Variants in SEPHS1 observed in about 807,000 individuals in gnomAD.
SEPHS1 encodes the protein selenophosphate synthetase 1, also known as zincore component SEPHS1.
In SEPHS1, 7 loss-of-function variants were observed where a neutral mutation model predicts 39.2. The observed-to-expected ratio is 0.18, with a 90% confidence interval of 0.10 to 0.34. The LOEUF is 0.34. Among genes scored for constraint, SEPHS1 ranks in the 10% least tolerant of loss-of-function variants. SEPHS1 has a pLI of 1.00. For synonymous variants in SEPHS1, 190 were observed against 195.5 expected, an observed-to-expected ratio of 0.97 and a Z score of 0.23; for missense variants, 253 against 514.5, an observed-to-expected ratio of 0.49 and a Z score of 4.92.
At chr10:13,319,719 A>G (rs1211998221) in intron 8 of SEPHS1, among the ~76,000 whole-genome samples, 1 of 152,196 alleles carries the variant, frequency 6.6e-6, no homozygotes, top group Non-Finnish European at 1.5e-5. Flanking sequence ...GACTCAAGCA[A>G]TCCACCTGCC....
At chr10:13,322,129 T>G in intron 8 of SEPHS1, 1 of 408,320 alleles carries the variant, frequency 2.4e-6, no homozygotes, top group South Asian at 1.8e-5. Context: ...TTTTATTCTG[T>G]ATCATTCTCT....
intron 4 of SEPHS1, 111 bp downstream of exon 4, chr10:13,336,132 G>A: frequency 3.0e-6 from 2 of 659,710 alleles, no homozygotes; most frequent in Non-Finnish European, 5.4e-6. Context: ...AGTGCAGGGA[G>A]CCATATGGCC....
chr10:13,327,138 G>A (rs964046787), intron 7 of SEPHS1, among the ~76,000 whole-genome samples: 6 of 151,110 alleles, frequency 4.0e-5, no homozygotes, highest in Non-Finnish European at 8.8e-5. Context: ...CTACTGGGAA[G>A]GCTGAGGCAA....
intron 2 of SEPHS1, among the ~76,000 whole-genome samples, chr10:13,342,652 T>C (rs1833826125): frequency 6.6e-6 from 1 of 152,058 alleles, no homozygotes. Context: ...GTACAGAGGG[T>C]ATACACATAC....
At chr10:13,325,913 A>T (rs1363508535) in intron 7 of SEPHS1, among the ~76,000 whole-genome samples, 3 of 71,942 alleles carry the variant, frequency 4.2e-5, no homozygotes, top group African/African-American at 3.5e-4. Flanking sequence ...AAAAAAAAAA[A>T]AAAAAAAAAA....
intron 2 of SEPHS1, among the ~76,000 whole-genome samples, chr10:13,342,153 G>A (rs1310910770): frequency 6.6e-6 from 1 of 151,672 alleles, no homozygotes; most frequent in Non-Finnish European, 1.5e-5. Context: ...TGTAGTCCCA[G>A]CTACTCGGGA....
At chr10:13,334,265 GCA>G (rs1343114326) in intron 4 of SEPHS1, among the ~76,000 whole-genome samples, 1 of 152,196 alleles carries the variant, frequency 6.6e-6, no homozygotes, top group East Asian at 1.9e-4. Context: ...GGGTGACCGG[GCA>G]CAGTGGCTCA....
At chr10:13,347,714 C>G (rs1588553678) in intron 1 of SEPHS1, among the ~76,000 whole-genome samples, 1 of 147,436 alleles carries the variant, frequency 6.8e-6, no homozygotes, top group African/African-American at 2.5e-5. Context: ...AAATTAACCC[C>G]TGCGTGGCCG....
At chr10:13,330,797 C>T (rs1391698052) in intron 5 of SEPHS1, among the ~76,000 whole-genome samples, 1 of 151,904 alleles carries the variant, frequency 6.6e-6, no homozygotes, top group Non-Finnish European at 1.5e-5. Context: ...TCTTCGAATT[C>T]AGACTCAGTT....
chr10:13,328,208 C>T, intron 7 of SEPHS1, 143 bp downstream of exon 7: 1 of 595,898 alleles, frequency 1.7e-6, no homozygotes, highest in East Asian at 2.8e-5. Flanking sequence ...TATGGAATGC[C>T]AACCTGGTAC....
At chr10:13,323,189 A>C in intron 7 of SEPHS1, 142 bp from the exon 8 acceptor site, 1 of 705,014 alleles carries the variant, frequency 1.4e-6, no homozygotes, top group South Asian at 1.8e-5. Flanking sequence ...AAATCAACCA[A>C]AGACATAGTG....
At chr10:13,336,180 C>T (rs754539389) in intron 4 of SEPHS1, 63 bp downstream of exon 4, 17 of 1,165,228 alleles carry the variant, frequency 1.5e-5, no homozygotes, top group Non-Finnish European at 1.9e-5. Context: ...CCAAGTCTAA[C>T]CAAGGCCAGA....
chr10:13,328,081 T>A (rs909871442), intron 7 of SEPHS1, among the ~76,000 whole-genome samples: 1 of 152,182 alleles, frequency 6.6e-6, no homozygotes, highest in African/African-American at 2.4e-5. Context: ...TGCTTCCAAA[T>A]CTTACATAGG....
chr10:13,318,181 A>C lies in SEPHS1; in HGVS notation c.*961T>G, dbSNP rs1832997912. 1 of 152,642 alleles carries C rather than the reference A, an allele frequency of 6.6e-6. No individual in the cohort carries two copies. The highest frequency in any genetic ancestry group is 1.5e-5 in the Non-Finnish European group (1 of 68,046). The allele number at this position is 152,642 out of a possible 1,614,324, so 9.5% of individuals were successfully genotyped here. A position where few individuals can be genotyped will look rare whatever the true frequency, so the allele number is the denominator to read the frequency against. On this transcript the variant is annotated 3_prime_UTR_variant, in exon 9 of 9. Transcript: ENST00000327347. ...AGATCACAAAAAGCGTGCACAAAAA[A>C]GTACTGGCGCAAAGGACAAAATAAT...
intron 1 of SEPHS1, among the ~76,000 whole-genome samples, chr10:13,345,637 C>T (rs1010078920): frequency 6.6e-6 from 1 of 152,156 alleles, no homozygotes; most frequent in Admixed American, 6.6e-5. Flanking sequence ...AATCTCGGCA[C>T]TTTGGGAGGC....
Position 13,340,035 on chromosome 10 carries a change from C to A in SEPHS1, c.194-1227G>T, listed in dbSNP as rs1025144308. Among the ~76,000 whole-genome samples the A allele has an allele frequency of 2.0e-5, 3 of 152,106 alleles. No homozygotes were observed. In the East Asian group the frequency reaches 5.8e-4, roughly 29 times the overall value. ...GAAGCAAATTATGTGCCTGAATCTA[C>A]CCTATAAATTCAGAATTTCAAACAA... On this transcript the variant is annotated intron_variant, in intron 2 of 8. Transcript: ENST00000327347.
chr10:13,332,391 C>T (rs772008244), intron 5 of SEPHS1, among the ~76,000 whole-genome samples: 5 of 152,120 alleles, frequency 3.3e-5, no homozygotes, highest in Non-Finnish European at 5.9e-5. Context: ...GAGTGAGCTA[C>T]AGGGCTTCTT....
intron 4 of SEPHS1, 43 bp downstream of exon 4, chr10:13,336,199 CG>C (rs767676668): frequency 2.2e-6 from 3 of 1,388,472 alleles, no homozygotes; most frequent in Non-Finnish European, 3.1e-6. Context: ...GAGATGCCAC[CG>C]GGACAACACG....
Position 13,343,765 on chromosome 10 carries a change from G to C in SEPHS1, c.193+993C>G, listed in dbSNP as rs1034620868. 7.9e-5 allele frequency among the ~76,000 whole-genome samples: 12 copies of C among 152,208 alleles called. No individual in the cohort carries two copies. The South Asian group carries it at 2.5e-3, about 32-fold the overall frequency. On this transcript the variant is annotated intron_variant, in intron 2 of 8. Coordinates refer to ENST00000327347, the MANE Select transcript of SEPHS1 (RefSeq NM_012247.5). ...GGAGGCAGAGGTTGCAGTGAGCCAAGATCACGCCACTGCACTCCAGCCTGG... is the reference window on the plus strand; with the variant it reads ...GGAGGCAGAGGTTGCAGTGAGCCAACATCACGCCACTGCACTCCAGCCTGG...
Sources: gnomAD v4.1 joint callset for allele counts (sites outside exome capture counted in the v4.1 genomes callset) on GRCh38, gnomAD v4.1.1 for gene constraint, MANE v1.5 for transcripts, NCBI Gene and HGNC (gene_info 2026-07-23, HGNC 2026-07-21) for gene names.